Variants in MXI1 observed in about 807,000 individuals in gnomAD.
The protein encoded by MXI1 is MAX interactor 1, dimerization protein.
Under a neutral mutation model 36.9 loss-of-function variants are expected in MXI1, and 18 were observed. The observed-to-expected ratio is 0.49, with a 90% CI of 0.34 to 0.72. The LOEUF (loss-of-function observed/expected upper bound fraction) is 0.72, where lower values mean the gene tolerates loss of function less well. Among genes scored for constraint, MXI1 ranks in the 30% least tolerant of loss-of-function variants. The pLI, the probability that MXI1 is intolerant of heterozygous loss-of-function variation, is 0.01. For synonymous variants in MXI1, 160 were observed against 146.7 expected, an observed-to-expected ratio of 1.09 and a Z score of -0.65; for missense variants, 304 against 379.1, an observed-to-expected ratio of 0.80 and a Z score of 1.64.
chr10:110,210,470 C>T (rs1854484313), intron 1 of MXI1, among the ~76,000 whole-genome samples: 1 of 152,110 alleles, frequency 6.6e-6, no homozygotes. Flanking sequence ...CTTGGGGCGC[C>T]GCGCCGTGCC....
chr10:110,237,156 A>C (rs1358262461), intron 2 of MXI1, among the ~76,000 whole-genome samples: 1 of 152,212 alleles, frequency 6.6e-6, no homozygotes, highest in Non-Finnish European at 1.5e-5. Flanking sequence ...TTTGCAAGTA[A>C]AGACATTTTT....
chr10:110,216,665 G>C (rs1216093825), intron 1 of MXI1, among the ~76,000 whole-genome samples: 1 of 79,060 alleles, frequency 1.3e-5, no homozygotes, highest in African/African-American at 8.0e-5. Context: ...TGTGTTTAAT[G>C]TTTTTTTTTT....
chr10:110,248,947 G>A (rs892538736), intron 3 of MXI1, among the ~76,000 whole-genome samples: 11 of 152,104 alleles, frequency 7.2e-5, no homozygotes, highest in Admixed American at 3.3e-4. Context: ...AAAAATACTG[G>A]TAGACTTAGG....
chr10:110,208,555 AACAC>A (rs908163640), intron 1 of MXI1: 1 of 153,234 alleles, frequency 6.5e-6, no homozygotes, highest in African/African-American at 2.4e-5. Context: ...CCAGAAAGAA[AACAC>A]ACAGACACAC....
intron 2 of MXI1, among the ~76,000 whole-genome samples, chr10:110,240,721 G>T (rs1377159324): frequency 2.0e-5 from 3 of 151,972 alleles, no homozygotes; most frequent in Non-Finnish European, 4.4e-5. Context: ...GTATGTGTAA[G>T]AATTGTAAGC....
intron 2 of MXI1, among the ~76,000 whole-genome samples, chr10:110,232,203 G>A (rs897437793): frequency 2.0e-5 from 3 of 152,058 alleles, no homozygotes; most frequent in Non-Finnish European, 2.9e-5. Context: ...CTCATGAACC[G>A]CCCGGCTTGG....
At chr10:110,271,215 G>GA (rs924037518) in intron 3 of MXI1, among the ~76,000 whole-genome samples, 21 of 147,136 alleles carry the variant, frequency 1.4e-4, no homozygotes, top group South Asian at 6.4e-4. Context: ...AGCTGCACCA[G>GA]AAAAAAAAAA....
chr10:110,219,355 C>G (rs1854738408), intron 1 of MXI1, among the ~76,000 whole-genome samples: 1 of 152,186 alleles, frequency 6.6e-6, no homozygotes, highest in Non-Finnish European at 1.5e-5. Flanking sequence ...CTATTACTCA[C>G]TTTTCAAAAG....
intron 3 of MXI1, among the ~76,000 whole-genome samples, chr10:110,256,895 A>G (rs1856320384): frequency 6.6e-6 from 1 of 152,212 alleles, no homozygotes; most frequent in Non-Finnish European, 1.5e-5. Flanking sequence ...CTTTGCAATT[A>G]CTTAAGACAT....
intron 1 of MXI1, 129 bp from the exon 2 acceptor site, chr10:110,228,060 A>G (rs928677659): frequency 1.9e-6 from 2 of 1,027,682 alleles, no homozygotes; most frequent in African/African-American, 1.6e-5. Flanking sequence ...TCTAACCAAA[A>G]AGAGTGGAAA....
At chr10:110,278,287 G>C (rs1857107359) in intron 3 of MXI1, among the ~76,000 whole-genome samples, 1 of 152,120 alleles carries the variant, frequency 6.6e-6, no homozygotes, top group African/African-American at 2.4e-5. Flanking sequence ...GCATTTCTAG[G>C]AGAAATTTCC....
intron 2 of MXI1, among the ~76,000 whole-genome samples, chr10:110,232,669 G>GA (rs1056370772): frequency 4.6e-5 from 7 of 152,188 alleles, no homozygotes; most frequent in Non-Finnish European, 8.8e-5. Flanking sequence ...GTTTCTTAAA[G>GA]AATGGAAGGT....
At chr10:110,257,613 A>G (rs1856358950) in intron 3 of MXI1, 1 of 155,430 alleles carries the variant, frequency 6.4e-6, no homozygotes, top group African/African-American at 2.4e-5. Context: ...GAAGGGCAAG[A>G]TTCTTGCCAA....
At chr10:110,265,050 G>T (rs1362610890) in intron 3 of MXI1, among the ~76,000 whole-genome samples, 2 of 152,116 alleles carry the variant, frequency 1.3e-5, no homozygotes, top group Non-Finnish European at 2.9e-5. Flanking sequence ...AAAAGCTGGA[G>T]CTCAAATATA....
chr10:110,216,972 A>G (rs1324987143), intron 1 of MXI1, among the ~76,000 whole-genome samples: 2 of 151,516 alleles, frequency 1.3e-5, no homozygotes, highest in African/African-American at 4.9e-5. Flanking sequence ...CCGGCCTACA[A>G]TCCTTTGTGT....
At chr10:110,263,054 G>A (rs1249841484) in intron 3 of MXI1, among the ~76,000 whole-genome samples, 7 of 152,138 alleles carry the variant, frequency 4.6e-5, no homozygotes, top group African/African-American at 7.2e-5. Flanking sequence ...TAACTTGCTT[G>A]TCTTTGTATC....
At position 110,279,986 on chromosome 10, in the gene MXI1, T is replaced by C; in HGVS notation, c.625T>C (p.Trp209Arg). The C allele has an allele frequency of 3.7e-6, 6 of 1,613,500 alleles. No homozygotes were observed. In the South Asian group the frequency reaches 4.4e-5, roughly 12 times the overall value. ...GGAACGAGAACAGAGATTTTTAAAG[T>C]GGCGACTGGAACAGCTGCAGGGTCC... ...NLEREQRFLK[W>R]RLEQLQGPQE... Residue 209 changes from tryptophan to arginine, a missense_variant, in exon 5 of 6, where the codon TGG (tryptophan) becomes CGG (arginine). Trp to Arg is a moderately radical substitution (Grantham distance 101, BLOSUM62 -3). Transcript: ENST00000332674.
At chr10:110,252,950 G>A (rs1435486818) in intron 3 of MXI1, among the ~76,000 whole-genome samples, 2 of 151,990 alleles carry the variant, frequency 1.3e-5, no homozygotes, top group African/African-American at 2.4e-5. Context: ...TTACCATGCC[G>A]GAGTTTATCG....
At position 110,225,988 on chromosome 10, in the gene MXI1, G is replaced by A. The variant is rs1436655654; in HGVS notation, c.275-2201G>A. 3.2e-5 allele frequency: 31 copies of A among 982,828 alleles called. No homozygotes were observed. The South Asian group carries it at 1.3e-3, about 42-fold the overall frequency. The allele number at this position is 982,828 out of a possible 1,614,324, so 60.9% of individuals were successfully genotyped here. On this transcript the variant is annotated intron_variant, in intron 1 of 5. Coordinates refer to ENST00000332674, the MANE Select transcript of MXI1 (RefSeq NM_130439.3). ...TCCCGCCCCTCCCCCGTGCTCGCGG[G>A]GAGAGGTAAACAAACCACGCGCGGG...
Sources: allele counts gnomAD v4.1 joint callset (sites outside exome capture counted in the v4.1 genomes callset), GRCh38; gene constraint gnomAD v4.1.1; transcripts MANE v1.5; gene names NCBI Gene and HGNC (gene_info 2026-07-23, HGNC 2026-07-21).